SEC63: variants seen among roughly 807,000 people sequenced by gnomAD.
The protein encoded by SEC63 is translocation protein SEC63 homolog.
Under a neutral mutation model 116.2 loss-of-function variants are expected in SEC63, and 56 were observed. The ratio of observed to expected loss-of-function variants is 0.48; its 90% CI spans 0.39 to 0.60. SEC63 has a LOEUF of 0.60. SEC63 is among the 20% of genes least tolerant of loss of function. The pLI, the probability that SEC63 is intolerant of heterozygous loss-of-function variation, is 0.00. For synonymous variants in SEC63, 273 were observed against 294.6 expected, an observed-to-expected ratio of 0.93 and a Z score of 0.75; for missense variants, 668 against 900.0, an observed-to-expected ratio of 0.74 and a Z score of 3.30.
At chr6:107,924,777 G>T in intron 3 of SEC63, 41 bp downstream of exon 3, 2 of 915,160 alleles carry the variant, frequency 2.2e-6, no homozygotes, top group South Asian at 1.3e-5. Context: ...ATTTTCATGG[G>T]ACCATTAAAC....
chr6:107,914,495 A>G (rs912559821), intron 4 of SEC63, among the ~76,000 whole-genome samples: 3 of 152,130 alleles, frequency 2.0e-5, no homozygotes, highest in African/African-American at 4.8e-5. Flanking sequence ...ATATTTTTAA[A>G]TTTATCAATT....
Position 107,922,082 on chromosome 6 carries a change from A to ATT in SEC63, c.340-175_340-174dup, listed in dbSNP as rs4029185. ...TTTTCCCATAAATTTCATCCCATAT[A>ATT]TTAAATAAAAACACTTATATTGTCC... On this transcript the variant is annotated intron_variant, in intron 3 of 20. Coordinates refer to ENST00000369002, the MANE Select transcript of SEC63 (RefSeq NM_007214.5). Among the ~76,000 whole-genome samples the ATT allele has an allele frequency of 0.98, 148,775 of 152,306 alleles. 72,703 individuals are homozygous for ATT. Among genetic ancestry groups the ATT allele is most frequent in the African/African-American group, 0.99 (41,364 of 41,576 alleles).
At chr6:107,906,860 A>G in intron 8 of SEC63, 83 bp from the exon 9 acceptor site, 1 of 1,035,340 alleles carries the variant, frequency 9.7e-7, no homozygotes, top group South Asian at 1.3e-5. Context: ...TTCACTTGAA[A>G]GTGAAGCACT....
chr6:107,872,773 A>G (rs1786164958), intron 20 of SEC63, 35 bp downstream of exon 20: 1 of 1,204,438 alleles, frequency 8.3e-7, no homozygotes, highest in Non-Finnish European at 1.2e-6. Context: ...ATTTATACAG[A>G]AAACTCTTAT....
intron 5 of SEC63, 30 bp from the exon 6 acceptor site, chr6:107,912,804 G>C (rs375722282): frequency 1.5e-5 from 23 of 1,522,784 alleles, no homozygotes; most frequent in Non-Finnish European, 2.1e-5. Flanking sequence ...AGTTTCTGAA[G>C]AATCTCTACT....
In SEC63 at chr6:107,870,364, T is replaced by C. The variant is rs1459076506; in HGVS notation, c.*1340A>G. 1 of 152,658 alleles carries C rather than the reference T, an allele frequency of 6.6e-6. No homozygotes were observed. The highest frequency in any genetic ancestry group is 1.5e-5 in the Non-Finnish European group (1 of 68,036). 9.5% of individuals were successfully genotyped at this position (152,658 alleles called of 1,614,324 possible). On this transcript the variant is annotated 3_prime_UTR_variant, in exon 21 of 21. Transcript: ENST00000369002. ...AACTATTGCAGTAACAAGATGCCGG[T>C]AGTATTCTGCACTGAAAGTGGCAAC...
chr6:107,899,039 T>C (rs1786933807), intron 13 of SEC63, among the ~76,000 whole-genome samples: 1 of 152,228 alleles, frequency 6.6e-6, no homozygotes, highest in African/African-American at 2.4e-5. Flanking sequence ...TCTACATTTT[T>C]CATTTTGCAC....
chr6:107,893,813 T>C (rs372057833), intron 15 of SEC63, 25 bp downstream of exon 15: 139 of 1,613,356 alleles, frequency 8.6e-5, no homozygotes, highest in East Asian at 6.9e-4. Flanking sequence ...CTAGGAAAAA[T>C]AGGTTCGGAA....
At chr6:107,892,181 G>C (rs1429992297) in intron 16 of SEC63, among the ~76,000 whole-genome samples, 1 of 152,212 alleles carries the variant, frequency 6.6e-6, no homozygotes, top group Non-Finnish European at 1.5e-5. Context: ...CTCTGTCCCA[G>C]GGAGGTGGGG....
In SEC63 at chr6:107,893,869, C is replaced by T. The variant is rs61761861; in HGVS notation, c.1469G>A (p.Cys490Tyr). 44 of 1,614,022 alleles carry T rather than the reference C, an allele frequency of 2.7e-5. No homozygotes were observed. Among genetic ancestry groups the T allele is most frequent in the Non-Finnish European group, 3.6e-5 (43 of 1,180,020 alleles). Residue 490 changes from cysteine (C) to tyrosine (Y), a missense_variant, in exon 15 of 21, where the codon TGT becomes TAT. Around this residue, in one of 5 missense-constraint regions of SEC63, gnomAD observed 430 missense variants for 557.5 expected, o/e 0.77. Transcript: ENST00000369002. The stretch of plus-strand genomic sequence containing the variant: ...TTCTGCTGGCTGTTCCTCTGCAGCA[C>T]AGATGGACTGCTCCTTTTCAAATAC... The part of the protein sequence containing the change: ...AEVFEKEQSI[C>Y]AAEEQPAEDG...
intron 1 of SEC63, among the ~76,000 whole-genome samples, chr6:107,935,002 G>GC (rs570462368): frequency 2.4e-5 from 3 of 126,576 alleles, no homozygotes; most frequent in African/African-American, 6.2e-5. Context: ...GGGGGGGTCA[G>GC]CCCCCCGCCC....
chr6:107,876,470 T>C lies in SEC63; in HGVS notation c.2034+94A>G, dbSNP rs1240581989. On this transcript the variant is annotated intron_variant, in intron 19 of 20. Coordinates refer to ENST00000369002, the MANE Select transcript of SEC63 (RefSeq NM_007214.5). ...AACGAATAGAATACAATATGCTAAA[T>C]ATGATAAACTTTTTAAAAAAAAGAT... is the stretch of plus-strand genomic sequence containing the variant. 4 of 822,342 alleles carry C rather than the reference T, an allele frequency of 4.9e-6. No homozygotes were observed. In the African/African-American group the frequency reaches 6.7e-5, roughly 14 times the overall value. 50.9% of individuals were successfully genotyped at this position (822,342 alleles called of 1,614,324 possible). A position where few individuals can be genotyped will look rare whatever the true frequency, so the allele number is the denominator to read the frequency against.
At chr6:107,951,006 T>C (rs922243726) in intron 1 of SEC63, among the ~76,000 whole-genome samples, 1 of 152,250 alleles carries the variant, frequency 6.6e-6, no homozygotes, top group African/African-American at 2.4e-5. Context: ...ATAACTCTTC[T>C]ATTGTAAATC....
At chr6:107,932,741 T>C (rs1272425962) in intron 1 of SEC63, among the ~76,000 whole-genome samples, 1 of 152,176 alleles carries the variant, frequency 6.6e-6, no homozygotes, top group Non-Finnish European at 1.5e-5. Context: ...TCCCTAGCTC[T>C]ATCTACTAAG....
At chr6:107,934,586 G>T (rs1344793691) in intron 1 of SEC63, among the ~76,000 whole-genome samples, 1 of 145,974 alleles carries the variant, frequency 6.9e-6, no homozygotes, top group East Asian at 2.1e-4. Context: ...AGTGAGGAGC[G>T]TCTCCGCCCG....
intron 14 of SEC63, among the ~76,000 whole-genome samples, chr6:107,896,848 G>A (rs963144651): frequency 7.2e-5 from 11 of 151,886 alleles, no homozygotes; most frequent in African/African-American, 2.7e-4. Flanking sequence ...GTGTGGTGGC[G>A]TGTGCCTGTA....
At chr6:107,897,289 GA>G (rs1786874883) in intron 14 of SEC63, among the ~76,000 whole-genome samples, 1 of 152,034 alleles carries the variant, frequency 6.6e-6, no homozygotes, top group African/African-American at 2.4e-5. Context: ...CTTAGATTTT[GA>G]AATGAAAAAT....
intron 8 of SEC63, among the ~76,000 whole-genome samples, chr6:107,907,164 A>G (rs1225192918): frequency 1.3e-5 from 2 of 152,238 alleles, no homozygotes; most frequent in Non-Finnish European, 2.9e-5. Context: ...ACAAGAGTTA[A>G]AGGTTTCTTT....
At chr6:107,893,354 G>C (rs1786733950) in intron 16 of SEC63, 128 bp downstream of exon 16, 7 of 831,500 alleles carry the variant, frequency 8.4e-6, no homozygotes, top group Admixed American at 6.5e-5. Flanking sequence ...AAGAGCACAA[G>C]GGAGCTTTCT....
Sources: gnomAD v4.1 joint callset for allele counts (sites outside exome capture counted in the v4.1 genomes callset) on GRCh38, gnomAD v4.1.1 for gene constraint, gnomAD v4.1.1 regional missense constraint, MANE v1.5 for transcripts, NCBI Gene and HGNC (gene_info 2026-07-23, HGNC 2026-07-21) for gene names.